Variants in TNKS observed in about 807,000 individuals in gnomAD.
The protein encoded by TNKS is tankyrase.
A neutral mutation model predicts 135.8 loss-of-function variants in TNKS; 72 were observed. The ratio of observed to expected loss-of-function variants is 0.53; its 90% CI spans 0.44 to 0.64. The LOEUF (loss-of-function observed/expected upper bound fraction) is 0.64. Ranked by LOEUF, TNKS falls within the 30% of genes least tolerant of loss-of-function variation. TNKS has a pLI of 0.00. For synonymous variants in TNKS, 849 were observed against 649.3 expected, an observed-to-expected ratio of 1.31 and a Z score of -4.68; for missense variants, 1,769 against 1,674.0, an observed-to-expected ratio of 1.06 and a Z score of -0.99.
chr8:9,594,179 G>T (rs1217816086), intron 2 of TNKS, among the ~76,000 whole-genome samples: 2 of 152,096 alleles, frequency 1.3e-5, no homozygotes, highest in African/African-American at 4.8e-5. Flanking sequence ...GAGCCACTGC[G>T]CCCGGCTATC....
chr8:9,605,462 G>T (rs1052347721), intron 2 of TNKS, among the ~76,000 whole-genome samples: 8 of 151,852 alleles, frequency 5.3e-5, no homozygotes, highest in Non-Finnish European at 8.8e-5. Context: ...CTTTTGTGTG[G>T]ACACATGGGT....
chr8:9,710,274 TCTTAA>T, intron 11 of TNKS, 54 bp downstream of exon 11: 3 of 1,518,704 alleles, frequency 2.0e-6, no homozygotes, highest in Non-Finnish European at 2.7e-6. Context: ...AGCCAGCTGC[TCTTAA>T]CACTGCTTCT....
rs1237357979 is a variant in TNKS, at chr8:9,592,324, C to G, written c.898+11941C>G. Among the ~76,000 whole-genome samples, 5 of 152,144 alleles carry G rather than the reference C, an allele frequency of 3.3e-5. No homozygotes were observed. In the South Asian group the frequency reaches 6.2e-4, roughly 19 times the overall value. On this transcript the variant is annotated intron_variant, in intron 2 of 26. Coordinates refer to ENST00000310430, the MANE Select transcript of TNKS (RefSeq NM_003747.3). ...TATCTGCTTTTCAAGGATCAAAAGA[C>G]TCACAGATGTTCTTTTAGCTATTTC...
In TNKS at chr8:9,634,286, T is replaced by A. The variant is rs180912392; in HGVS notation, c.994+18609T>A. Among the ~76,000 whole-genome samples the A allele has an allele frequency of 4.0e-4, 61 of 152,010 alleles. No individual in the cohort carries two copies. In the East Asian group the frequency reaches 0.011, roughly 27 times the overall value. On this transcript the variant is annotated intron_variant, in intron 3 of 26. Transcript: ENST00000310430. ...CTACATATTAAAAAATAAAATTAAATTGAAGATGGGGGAAAAACACCTAAA... is the reference window on the plus strand; with the variant it reads ...CTACATATTAAAAAATAAAATTAAAATGAAGATGGGGGAAAAACACCTAAA...
chr8:9,758,569 T>A (rs1806970309), intron 20 of TNKS, among the ~76,000 whole-genome samples: 1 of 152,198 alleles, frequency 6.6e-6, no homozygotes, highest in South Asian at 2.1e-4. Flanking sequence ...ACAGTTTCTG[T>A]ATGTCAACAA....
At chr8:9,769,806 A>T (rs1247852924) in intron 25 of TNKS, among the ~76,000 whole-genome samples, 1 of 151,586 alleles carries the variant, frequency 6.6e-6, no homozygotes, top group East Asian at 1.9e-4. Flanking sequence ...TTTTTAGTAG[A>T]GACGAGGTTT....
intron 1 of TNKS, among the ~76,000 whole-genome samples, chr8:9,578,462 C>G (rs985193540): frequency 6.6e-6 from 1 of 152,208 alleles, no homozygotes; most frequent in Non-Finnish European, 1.5e-5. Flanking sequence ...TTGATCTTTT[C>G]ACCTAAAATT....
intron 3 of TNKS, among the ~76,000 whole-genome samples, chr8:9,652,934 C>T (rs544895411): frequency 6.6e-6 from 1 of 152,244 alleles, no homozygotes; most frequent in African/African-American, 2.4e-5. Flanking sequence ...ATGGCAGAGC[C>T]AGGATTCATT....
At chr8:9,659,713 G>C (rs1801601500) in intron 3 of TNKS, among the ~76,000 whole-genome samples, 1 of 152,166 alleles carries the variant, frequency 6.6e-6, no homozygotes, top group Non-Finnish European at 1.5e-5. Flanking sequence ...AAAGCTAGCA[G>C]AAGGCAAGAA....
intron 2 of TNKS, 99 bp from the exon 3 acceptor site, chr8:9,615,483 C>T: frequency 1.2e-6 from 1 of 827,412 alleles, no homozygotes; most frequent in African/African-American, 1.8e-5. Context: ...AAAATTTGTG[C>T]AATGTATGTT....
intron 22 of TNKS, among the ~76,000 whole-genome samples, chr8:9,764,430 T>G (rs1219539129): frequency 6.6e-6 from 1 of 151,858 alleles, no homozygotes; most frequent in Non-Finnish European, 1.5e-5. Flanking sequence ...TTCTTCTCAA[T>G]AAGATAAGAT....
At chr8:9,624,085 T>G (rs1799967604) in intron 3 of TNKS, among the ~76,000 whole-genome samples, 1 of 152,178 alleles carries the variant, frequency 6.6e-6, no homozygotes, top group Non-Finnish European at 1.5e-5. Flanking sequence ...ACTCTAGTAC[T>G]TCAAGTCCTT....
chr8:9,563,143 C>T (rs1189679837), intron 1 of TNKS, among the ~76,000 whole-genome samples: 1 of 151,934 alleles, frequency 6.6e-6, no homozygotes, highest in African/African-American at 2.4e-5. Flanking sequence ...TAAGTTCATT[C>T]GCCATGTTAT....
At chr8:9,705,929 C>G (rs1804019298) in intron 6 of TNKS, among the ~76,000 whole-genome samples, 4 of 152,106 alleles carry the variant, frequency 2.6e-5, no homozygotes. Context: ...TGTCAATTAG[C>G]ATATGATCTT....
chr8:9,767,787 G>A (rs141721676), intron 25 of TNKS, among the ~76,000 whole-genome samples: 4 of 151,690 alleles, frequency 2.6e-5, no homozygotes, highest in Admixed American at 6.6e-5. Context: ...GTGCAACCCC[G>A]TCTCTACTAA....
intron 1 of TNKS, 139 bp downstream of exon 1, chr8:9,556,751 G>A: frequency 1.1e-6 from 1 of 950,206 alleles, no homozygotes; most frequent in South Asian, 1.7e-5. Flanking sequence ...AAGACTGGAG[G>A]TTCCTTTCTT....
chr8:9,744,980 T>G (rs549653771), intron 17 of TNKS, among the ~76,000 whole-genome samples: 10 of 152,240 alleles, frequency 6.6e-5, no homozygotes, highest in Non-Finnish European at 1.5e-4. Context: ...TTGGACTTTT[T>G]GTAATTTTGG....
chr8:9,627,151 G>A (rs1401559156), intron 3 of TNKS, among the ~76,000 whole-genome samples: 1 of 152,214 alleles, frequency 6.6e-6, no homozygotes, highest in Non-Finnish European at 1.5e-5. Context: ...CTTCCAGAGA[G>A]CTGAACATGT....
At chr8:9,749,851 C>G (rs575093831) in intron 18 of TNKS, among the ~76,000 whole-genome samples, 30 of 152,134 alleles carry the variant, frequency 2.0e-4, no homozygotes, top group Non-Finnish European at 4.0e-4. Flanking sequence ...ATATTTACAG[C>G]CAAGTGGCTT....
Sources: gnomAD v4.1 joint callset for allele counts (sites outside exome capture counted in the v4.1 genomes callset) on GRCh38, gnomAD v4.1.1 for gene constraint, MANE v1.5 for transcripts, NCBI Gene and HGNC (gene_info 2026-07-23, HGNC 2026-07-21) for gene names.